The following SETBP1 variants were observed in gnomAD, a reference collection of about 807,000 sequenced individuals.
SETBP1 encodes the protein SET-binding protein.
Under a neutral mutation model 101.0 loss-of-function variants are expected in SETBP1, and 9 were observed. The observed-to-expected ratio is 0.09, with a 90% CI of 0.05 to 0.16. SETBP1 has a LOEUF of 0.16. SETBP1 is among the 10% of genes least tolerant of loss of function. The pLI, the probability that SETBP1 is intolerant of heterozygous loss-of-function variation, is 1.00. For synonymous variants in SETBP1, 818 were observed against 788.5 expected, an observed-to-expected ratio of 1.04 and a Z score of -0.63; for missense variants, 1,858 against 2,033.8, an observed-to-expected ratio of 0.91 and a Z score of 1.66.
chr18:44,802,102 TC>T (rs1410853492), intron 2 of SETBP1, among the ~76,000 whole-genome samples: 3 of 152,178 alleles, frequency 2.0e-5, no homozygotes, highest in Non-Finnish European at 4.4e-5. Flanking sequence ...GCATACACCG[TC>T]CTCCAGGGAA....
At chr18:44,782,312 CTTT>C (rs34108781) in intron 2 of SETBP1, among the ~76,000 whole-genome samples, 1 of 149,700 alleles carries the variant, frequency 6.7e-6, no homozygotes, top group African/African-American at 2.5e-5. Context: ...AAAATAAACT[CTTT>C]TTTTTTTTTC....
intron 2 of SETBP1, among the ~76,000 whole-genome samples, chr18:44,717,276 A>C (rs1463831806): frequency 6.6e-6 from 1 of 152,208 alleles, no homozygotes; most frequent in East Asian, 1.9e-4. Flanking sequence ...TGGTCCTTCC[A>C]TTAATCTCTT....
intron 3 of SETBP1, among the ~76,000 whole-genome samples, chr18:44,888,387 C>T (rs72909578): frequency 0.11 from 16,500 of 151,906 alleles, 1,057 homozygotes; most frequent in Middle Eastern, 0.16. Context: ...CTTGGAGGAG[C>T]CTTTTTTCAG....
intron 1 of SETBP1, among the ~76,000 whole-genome samples, chr18:44,696,734 T>C (rs149590391): frequency 6.6e-6 from 1 of 152,322 alleles, no homozygotes; most frequent in East Asian, 1.9e-4. Context: ...AACCCATTCA[T>C]TGCTAAGGCA....
intron 4 of SETBP1, among the ~76,000 whole-genome samples, chr18:45,028,469 A>G (rs2073218968): frequency 2.0e-5 from 3 of 151,942 alleles, no homozygotes; most frequent in Admixed American, 6.6e-5. Flanking sequence ...CGCAATAAAC[A>G]TATGTGTGCA....
intron 3 of SETBP1, among the ~76,000 whole-genome samples, chr18:44,895,961 G>T (rs116700392): frequency 6.6e-6 from 1 of 152,010 alleles, no homozygotes; most frequent in Non-Finnish European, 1.5e-5. Flanking sequence ...CCCCATGCCC[G>T]CATGCTCACC....
intron 2 of SETBP1, among the ~76,000 whole-genome samples, chr18:44,785,391 C>T (rs1331644735): frequency 6.6e-6 from 1 of 152,204 alleles, no homozygotes; most frequent in Non-Finnish European, 1.5e-5. Flanking sequence ...CATCATGAAT[C>T]TCTCGGTTAT....
At chr18:45,019,231 A>G (rs1315119404) in intron 4 of SETBP1, among the ~76,000 whole-genome samples, 2 of 152,218 alleles carry the variant, frequency 1.3e-5, no homozygotes, top group African/African-American at 2.4e-5. Context: ...CATTCCACAT[A>G]TTACATAACC....
At chr18:45,023,444 C>T (rs2073107365) in intron 4 of SETBP1, among the ~76,000 whole-genome samples, 1 of 152,284 alleles carries the variant, frequency 6.6e-6, no homozygotes, top group African/African-American at 2.4e-5. Context: ...TACAGTCCCC[C>T]AAAGGGCACG....
At chr18:44,830,793 T>C (rs1264701706) in intron 2 of SETBP1, among the ~76,000 whole-genome samples, 1 of 152,172 alleles carries the variant, frequency 6.6e-6, no homozygotes, top group African/African-American at 2.4e-5. Flanking sequence ...GGTTACTGTA[T>C]ACTATTTGGG....
chr18:44,775,778 AT>A (rs2070989369), intron 2 of SETBP1, among the ~76,000 whole-genome samples: 1 of 151,314 alleles, frequency 6.6e-6, no homozygotes, highest in Admixed American at 6.6e-5. Context: ...GAATAACGAG[AT>A]TAAAGACTAC....
In SETBP1 at chr18:45,029,254, T is replaced by G. The variant is rs1391502618; in HGVS notation, c.4001-9231T>G. Reference sequence around the variant, plus strand: ...TGGCTAGCCAGTTTTCCCAGCACCATTTATTAAATAGGGAATCCTTTCCCC... The same window carrying G: ...TGGCTAGCCAGTTTTCCCAGCACCAGTTATTAAATAGGGAATCCTTTCCCC... On this transcript the variant is annotated intron_variant, in intron 4 of 5. Coordinates refer to ENST00000649279, the MANE Select transcript of SETBP1 (RefSeq NM_015559.3). Among the ~76,000 whole-genome samples, 4 of 152,250 alleles carry G rather than the reference T, an allele frequency of 2.6e-5. No individual in the cohort carries two copies. The South Asian group carries it at 8.3e-4, about 32-fold the overall frequency.
At chr18:44,725,770 A>T (rs1044260077) in intron 2 of SETBP1, among the ~76,000 whole-genome samples, 1 of 152,142 alleles carries the variant, frequency 6.6e-6, no homozygotes, top group Non-Finnish European at 1.5e-5. Context: ...CACCTCTTCC[A>T]GGAAGTGATG....
At chr18:44,954,741 G>A (rs1212587756) in intron 4 of SETBP1, among the ~76,000 whole-genome samples, 1 of 152,188 alleles carries the variant, frequency 6.6e-6, no homozygotes, top group African/African-American at 2.4e-5. Flanking sequence ...TACACTTTGT[G>A]TCTGCCCAAA....
At chr18:44,829,985 A>G (rs1684837185) in intron 2 of SETBP1, among the ~76,000 whole-genome samples, 1 of 152,236 alleles carries the variant, frequency 6.6e-6, no homozygotes, top group South Asian at 2.1e-4. Context: ...TGAAGGAGAG[A>G]ACACACTATG....
chr18:44,887,831 G>A (rs1187045891), intron 3 of SETBP1, among the ~76,000 whole-genome samples: 2 of 152,090 alleles, frequency 1.3e-5, no homozygotes, highest in Non-Finnish European at 2.9e-5. Flanking sequence ...AAGGCCAGAA[G>A]GAGTCAAAAG....
intron 2 of SETBP1, among the ~76,000 whole-genome samples, chr18:44,851,607 T>C (rs1299778566): frequency 4.6e-5 from 7 of 152,240 alleles, no homozygotes; most frequent in African/African-American, 1.7e-4. Context: ...TCCTGGTCTC[T>C]TCCTTTTCCC....
intron 4 of SETBP1, among the ~76,000 whole-genome samples, chr18:44,965,348 C>A (rs1958496359): frequency 6.6e-6 from 1 of 151,462 alleles, no homozygotes; most frequent in African/African-American, 2.4e-5. Context: ...TGGATACTCT[C>A]ATTGGTCAGT....
chr18:44,890,066 T>C (rs1028219426), intron 3 of SETBP1, among the ~76,000 whole-genome samples: 1 of 152,224 alleles, frequency 6.6e-6, no homozygotes, highest in Middle Eastern at 3.4e-3. Context: ...ACCTAACACA[T>C]TTTTCATTTT....
Sources: allele counts gnomAD v4.1 joint callset (sites outside exome capture counted in the v4.1 genomes callset), GRCh38; gene constraint gnomAD v4.1.1; transcripts MANE v1.5; gene names NCBI Gene and HGNC (gene_info 2026-07-23, HGNC 2026-07-21).